Variants in SLC23A2 observed in about 807,000 individuals in gnomAD.
SLC23A2 encodes the protein solute carrier family 23 member 2, also known as Na(+)/L-ascorbic acid transporter 2.
In SLC23A2, 36 loss-of-function variants were observed where a neutral mutation model predicts 73.3. The observed-to-expected ratio is 0.49, with a 90% CI of 0.38 to 0.65. The LOEUF is 0.65. Ranked by LOEUF, SLC23A2 falls within the 30% of genes least tolerant of loss-of-function variation. The pLI is 0.00. For synonymous variants in SLC23A2, 343 were observed against 327.3 expected (o/e 1.05, Z -0.52); for missense variants, 507 against 841.6 (o/e 0.60, Z 4.92).
intron 2 of SLC23A2, among the ~76,000 whole-genome samples, chr20:4,957,704 C>A (rs1246482762): frequency 2.6e-5 from 4 of 151,710 alleles, no homozygotes; most frequent in Admixed American, 2.6e-4. Context: ...AGTTCAAGAC[C>A]AGCCTGGCCA....
chr20:4,982,860 C>G (rs1159710563), intron 1 of SLC23A2, among the ~76,000 whole-genome samples: 2 of 152,090 alleles, frequency 1.3e-5, no homozygotes, highest in Non-Finnish European at 2.9e-5. Context: ...AATCCCAGCA[C>G]TTTGGGAGGC....
intron 1 of SLC23A2, among the ~76,000 whole-genome samples, chr20:4,991,405 A>G (rs2122326594): frequency 6.6e-6 from 1 of 152,234 alleles, no homozygotes; most frequent in East Asian, 1.9e-4. Context: ...TCACATGTCC[A>G]GTCCAGCAAA....
At chr20:4,976,054 C>T (rs965010487) in intron 1 of SLC23A2, among the ~76,000 whole-genome samples, 10 of 151,262 alleles carry the variant, frequency 6.6e-5, no homozygotes, top group African/African-American at 2.4e-4. Flanking sequence ...GGGGTTTCAC[C>T]GTATTAGCCA....
intron 2 of SLC23A2, among the ~76,000 whole-genome samples, chr20:4,965,665 G>A (rs1490684876): frequency 1.3e-5 from 2 of 151,880 alleles, no homozygotes; most frequent in African/African-American, 4.8e-5. Flanking sequence ...CAGGCAAGCT[G>A]AAGAGGAAGC....
At chr20:4,893,884 G>A (rs965039073) in intron 6 of SLC23A2, among the ~76,000 whole-genome samples, 4 of 152,168 alleles carry the variant, frequency 2.6e-5, no homozygotes, top group African/African-American at 9.7e-5. Context: ...CACAGATGCC[G>A]TAAGACTCTC....
At chr20:4,995,874 G>A (rs997291660) in intron 1 of SLC23A2, among the ~76,000 whole-genome samples, 4 of 152,186 alleles carry the variant, frequency 2.6e-5, no homozygotes, top group African/African-American at 9.6e-5. Context: ...GCTGGGCAGA[G>A]CTCCCTGGCA....
At chr20:4,909,384 G>A (rs1036682924) in intron 4 of SLC23A2, among the ~76,000 whole-genome samples, 4 of 152,080 alleles carry the variant, frequency 2.6e-5, no homozygotes, top group Admixed American at 1.3e-4. Context: ...GTTGCCAGCC[G>A]CTGGTTACGT....
At chr20:4,925,122 G>T (rs1284623181) in intron 3 of SLC23A2, among the ~76,000 whole-genome samples, 5 of 151,764 alleles carry the variant, frequency 3.3e-5, no homozygotes, top group Non-Finnish European at 7.4e-5. Flanking sequence ...GGTTGAGGCT[G>T]CAGTGAGCCA....
intron 5 of SLC23A2, among the ~76,000 whole-genome samples, chr20:4,900,906 A>G (rs1464350800): frequency 6.6e-6 from 1 of 152,154 alleles, no homozygotes; most frequent in East Asian, 1.9e-4. Context: ...AACATGCCAC[A>G]TGCAGCCCAT....
chr20:4,896,064 G>A (rs570304030), intron 6 of SLC23A2, among the ~76,000 whole-genome samples: 2 of 152,324 alleles, frequency 1.3e-5, no homozygotes, highest in East Asian at 1.9e-4. Context: ...GGGTGGAGGA[G>A]TCTGCATCCC....
intron 4 of SLC23A2, among the ~76,000 whole-genome samples, chr20:4,903,394 C>T (rs1371711010): frequency 1.5e-4 from 23 of 152,156 alleles, no homozygotes; most frequent in Non-Finnish European, 1.6e-4. Flanking sequence ...CTCAAAACTG[C>T]TCTGGTTTCA....
rs774848405 is a variant in SLC23A2, at chr20:4,859,392, G to A, written c.1625-8C>T. 2 of 1,588,996 alleles carry A rather than the reference G, an allele frequency of 1.3e-6. No individual in the cohort carries two copies. The highest frequency in any genetic ancestry group is 1.7e-6 in the Non-Finnish European group (2 of 1,157,166). On this transcript the variant is annotated splice_region_variant and splice_polypyrimidine_tract_variant and intron_variant, in intron 15 of 16. Coordinates refer to ENST00000338244, the MANE Select transcript of SLC23A2 (RefSeq NM_005116.6). ...GATCGATTCCTGTTATCCCTAGAAA[G>A]AGAACACAGCCATAAACGATCAGTG...
Position 4,949,653 on chromosome 20 carries a change from A to C in SLC23A2, c.-154-16937T>G, listed in dbSNP as rs72552240. Among the ~76,000 whole-genome samples, 995 of 152,222 alleles carry C rather than the reference A, an allele frequency of 6.5e-3. 9 individuals carry two copies. The highest frequency in any genetic ancestry group is 0.022 in the African/African-American group (907 of 41,530). ...CCTACACAGGCACAGTCACACACACACAGGCGCGCACACACACAGAAACAG... is the reference window on the plus strand; with the variant it reads ...CCTACACAGGCACAGTCACACACACCCAGGCGCGCACACACACAGAAACAG... On this transcript the variant is annotated intron_variant, in intron 2 of 16. Transcript: ENST00000338244.
At chr20:4,922,797 A>G (rs962108538) in intron 3 of SLC23A2, among the ~76,000 whole-genome samples, 15 of 151,254 alleles carry the variant, frequency 9.9e-5, no homozygotes, top group African/African-American at 3.4e-4. Flanking sequence ...ACGCCACTGC[A>G]CTCCAGCCTG....
At chr20:4,993,555 A>G (rs2087967366) in intron 1 of SLC23A2, among the ~76,000 whole-genome samples, 1 of 152,098 alleles carries the variant, frequency 6.6e-6, no homozygotes, top group Non-Finnish European at 1.5e-5. Context: ...ACTTTACTCA[A>G]AGAACATGGA....
intron 1 of SLC23A2, among the ~76,000 whole-genome samples, chr20:4,999,191 TC>T (rs559045921): frequency 1.6e-4 from 24 of 152,244 alleles, no homozygotes; most frequent in African/African-American, 5.1e-4. Flanking sequence ...CCCAAATAGA[TC>T]CCTGGTTTGT....
At chr20:4,897,953 C>T (rs1224027835) in intron 6 of SLC23A2, among the ~76,000 whole-genome samples, 1 of 152,218 alleles carries the variant, frequency 6.6e-6, no homozygotes, top group African/African-American at 2.4e-5. Context: ...AGAAAAAGAA[C>T]ATCTCCCCAG....
intron 3 of SLC23A2, among the ~76,000 whole-genome samples, chr20:4,929,627 T>C (rs981704769): frequency 6.6e-6 from 1 of 152,116 alleles, no homozygotes; most frequent in Non-Finnish European, 1.5e-5. Flanking sequence ...ATGATTTAAA[T>C]GAAGTCACAT....
chr20:4,859,882 T>C (rs139830077), intron 15 of SLC23A2, among the ~76,000 whole-genome samples: 80 of 152,344 alleles, frequency 5.3e-4, no homozygotes, highest in African/African-American at 1.9e-3. Context: ...TGTCCTCCCA[T>C]GAATATGACA....
Sources: allele counts gnomAD v4.1 joint callset (sites outside exome capture counted in the v4.1 genomes callset), GRCh38; gene constraint gnomAD v4.1.1; transcripts MANE v1.5; gene names NCBI Gene and HGNC (gene_info 2026-07-23, HGNC 2026-07-21).